The following LRRC28 variants were observed in gnomAD, a reference collection of about 807,000 sequenced individuals.
The protein encoded by LRRC28 is leucine rich repeat containing 28.
In LRRC28, 39 loss-of-function variants were observed where a neutral mutation model predicts 45.7. The observed-to-expected ratio is 0.85, with a 90% CI of 0.66 to 1.12. The LOEUF (loss-of-function observed/expected upper bound fraction) is 1.12, where lower values mean the gene tolerates loss of function less well. LRRC28 is among the 50% of genes most tolerant of loss of function. The pLI, the probability that LRRC28 is intolerant of heterozygous loss-of-function variation, is 0.00. For missense variants in LRRC28, 435 were observed against 438.5 expected, an observed-to-expected ratio of 0.99 and a Z score of 0.07; for synonymous variants, 206 against 178.8, an observed-to-expected ratio of 1.15 and a Z score of -1.22.
chr15:99,339,884 T>C (rs1170719585), intron 6 of LRRC28, among the ~76,000 whole-genome samples: 3 of 152,240 alleles, frequency 2.0e-5, no homozygotes, highest in Non-Finnish European at 4.4e-5. Context: ...CCCAGAATTA[T>C]CTCTTGGAGA....
intron 6 of LRRC28, among the ~76,000 whole-genome samples, chr15:99,334,945 A>T (rs1388567911): frequency 6.6e-6 from 1 of 152,214 alleles, no homozygotes; most frequent in Non-Finnish European, 1.5e-5. Context: ...CAATGCACAT[A>T]TTATTTTCAA....
intron 5 of LRRC28, among the ~76,000 whole-genome samples, chr15:99,304,103 A>G (rs1465024551): frequency 6.6e-6 from 1 of 152,180 alleles, no homozygotes. Context: ...CTGATTTAGT[A>G]AATAAAGTTT....
At chr15:99,330,866 C>CT (rs1014607624) in intron 5 of LRRC28, among the ~76,000 whole-genome samples, 1 of 151,916 alleles carries the variant, frequency 6.6e-6, no homozygotes. Flanking sequence ...ACTGTGCTGA[C>CT]TTTTTTTAAC....
At chr15:99,283,614 T>TC (rs1479959896) in intron 3 of LRRC28, among the ~76,000 whole-genome samples, 2 of 32,688 alleles carry the variant, frequency 6.1e-5, no homozygotes, top group Non-Finnish European at 1.2e-4. Context: ...AGACTCCTTC[T>TC]CAAAAAAAAA....
intron 2 of LRRC28, 191 bp downstream of exon 2, chr15:99,256,316 G>A (rs1383296063): frequency 1.1e-5 from 5 of 442,570 alleles, no homozygotes; most frequent in Non-Finnish European, 1.9e-5. Flanking sequence ...CAGTTATGAG[G>A]TTGCCGGAGA....
intron 1 of LRRC28, among the ~76,000 whole-genome samples, chr15:99,254,292 A>C (rs1412137057): frequency 6.6e-6 from 1 of 152,258 alleles, no homozygotes; most frequent in African/African-American, 2.4e-5. Flanking sequence ...CTTTGGAAAT[A>C]GTATTTCATA....
intron 6 of LRRC28, among the ~76,000 whole-genome samples, chr15:99,341,982 A>G (rs948714662): frequency 3.9e-5 from 6 of 152,180 alleles, no homozygotes; most frequent in Admixed American, 3.3e-4. Flanking sequence ...TCAAGGCACA[A>G]TGCAGTGAAG....
intron 3 of LRRC28, among the ~76,000 whole-genome samples, chr15:99,284,467 T>C (rs1364021491): frequency 6.6e-6 from 1 of 152,224 alleles, no homozygotes; most frequent in East Asian, 1.9e-4. Context: ...TTTGCCCATA[T>C]ACATGAGTAT....
chr15:99,362,768 TATTAA>T (rs1225473063), intron 8 of LRRC28, among the ~76,000 whole-genome samples: 3 of 152,200 alleles, frequency 2.0e-5, no homozygotes, highest in African/African-American at 7.2e-5. Flanking sequence ...CTCTGACTCT[TATTAA>T]AGTTTCAAAG....
intron 5 of LRRC28, among the ~76,000 whole-genome samples, chr15:99,305,189 C>G (rs1955139271): frequency 6.6e-6 from 1 of 152,084 alleles, no homozygotes; most frequent in Non-Finnish European, 1.5e-5. Context: ...ATGCCAACAG[C>G]CAGGATGGTT....
At chr15:99,372,910 A>T (rs912123094) in intron 9 of LRRC28, among the ~76,000 whole-genome samples, 1 of 152,114 alleles carries the variant, frequency 6.6e-6, no homozygotes, top group Non-Finnish European at 1.5e-5. Context: ...TGTCCTTCAC[A>T]TGGCAGCAGG....
chr15:99,361,428 T>C lies in LRRC28; in HGVS notation c.788T>C (p.Ile263Thr), dbSNP rs1179667254. 4.3e-6 allele frequency: 7 copies of C among 1,613,860 alleles called. No individual in the cohort carries two copies. Among genetic ancestry groups the C allele is most frequent in the Non-Finnish European group, 5.9e-6 (7 of 1,179,950 alleles). Reference protein sequence around the residue: ...TVFLPAEVKAIGTEHDHVLPL... With the variant: ...TVFLPAEVKATGTEHDHVLPL... ...TTCCTCCCAGCTGAGGTGAAGGCCATAGGGACGGAGCATGATCACGTCCTC... is the reference window on the plus strand; with the variant it reads ...TTCCTCCCAGCTGAGGTGAAGGCCACAGGGACGGAGCATGATCACGTCCTC... Residue 263 changes from isoleucine (I) to threonine (T), a missense_variant, in exon 8 of 10, where the codon ATA becomes ACA. By Grantham distance (89) the Ile-to-Thr change is moderately conservative (BLOSUM62 -1). Transcript: ENST00000301981.
chr15:99,375,321 C>G (rs1443479262), intron 9 of LRRC28, among the ~76,000 whole-genome samples: 1 of 152,096 alleles, frequency 6.6e-6, no homozygotes. Context: ...GGAATAACTC[C>G]CACTTGATCA....
At chr15:99,367,453 C>T (rs1161677293) in intron 9 of LRRC28, among the ~76,000 whole-genome samples, 1 of 152,120 alleles carries the variant, frequency 6.6e-6, no homozygotes, top group Non-Finnish European at 1.5e-5. Context: ...GAAAATCAGA[C>T]CAAACTTGTC....
chr15:99,265,904 A>G (rs867093072), intron 2 of LRRC28, among the ~76,000 whole-genome samples: 1 of 152,212 alleles, frequency 6.6e-6, no homozygotes, highest in Non-Finnish European at 1.5e-5. Context: ...CTTAATGGTA[A>G]CAGTTGGCCT....
chr15:99,320,712 T>C (rs1397418796), intron 5 of LRRC28: 1 of 152,182 alleles, frequency 6.6e-6, no homozygotes, highest in Non-Finnish European at 1.5e-5. Flanking sequence ...AATCAAACTA[T>C]TTCTGGCCCA....
chr15:99,285,358 T>C, intron 3 of LRRC28: 1 of 743,018 alleles, frequency 1.3e-6, no homozygotes, highest in Non-Finnish European at 2.5e-6. Flanking sequence ...TGTGTGGCTT[T>C]GCATTCATGG....
intron 2 of LRRC28, among the ~76,000 whole-genome samples, chr15:99,268,144 T>G (rs1399376823): frequency 6.6e-6 from 1 of 152,172 alleles, no homozygotes; most frequent in Non-Finnish European, 1.5e-5. Flanking sequence ...CACCACCATG[T>G]CGTTAAAATT....
At chr15:99,281,828 A>T (rs2081800674) in intron 3 of LRRC28, among the ~76,000 whole-genome samples, 1 of 152,168 alleles carries the variant, frequency 6.6e-6, no homozygotes, top group South Asian at 2.1e-4. Context: ...ATCTCTCTTG[A>T]ATACCTCAAA....
Sources: allele counts gnomAD v4.1 joint callset (sites outside exome capture counted in the v4.1 genomes callset), GRCh38; gene constraint gnomAD v4.1.1; transcripts MANE v1.5; gene names NCBI Gene and HGNC (gene_info 2026-07-23, HGNC 2026-07-21).